The following ZCWPW2 variants were observed in gnomAD, a reference collection of about 807,000 sequenced individuals.
ZCWPW2 encodes zinc finger CW-type PWWP domain protein 2.
A neutral mutation model predicts 46.6 loss-of-function variants in ZCWPW2; 45 were observed. That is an observed-to-expected ratio of 0.96 (90% CI 0.76 to 1.24). ZCWPW2 has a LOEUF of 1.24. Among genes scored for constraint, ZCWPW2 ranks in the 50% most tolerant of loss-of-function variants. ZCWPW2 has a pLI of 0.00. For missense variants in ZCWPW2, 429 were observed against 403.9 expected, an observed-to-expected ratio of 1.06 and a Z score of -0.53; for synonymous variants, 152 against 137.1, an observed-to-expected ratio of 1.11 and a Z score of -0.76.
chr3:28,451,331 C>T (rs1379905964), intron 4 of ZCWPW2, among the ~76,000 whole-genome samples: 2 of 152,192 alleles, frequency 1.3e-5, no homozygotes, highest in Non-Finnish European at 2.9e-5. Context: ...GCCTACATGT[C>T]TTCTCCAATG....
chr3:28,521,560 A>T (rs761073777), intron 9 of ZCWPW2, among the ~76,000 whole-genome samples: 1 of 152,194 alleles, frequency 6.6e-6, no homozygotes, highest in African/African-American at 2.4e-5. Context: ...CGGGAAGTAG[A>T]ATTTTTCACT....
At chr3:28,388,191 T>A (rs1349505468) in intron 1 of ZCWPW2, among the ~76,000 whole-genome samples, 1 of 152,186 alleles carries the variant, frequency 6.6e-6, no homozygotes, top group African/African-American at 2.4e-5. Context: ...ACAACCTGCT[T>A]GACTCAGAGT....
chr3:28,447,875 G>A, intron 4 of ZCWPW2: 1 of 1,017,294 alleles, frequency 9.8e-7, no homozygotes, highest in Non-Finnish European at 1.5e-6. Flanking sequence ...GTGTGCCCAG[G>A]CAGACTTAGA....
intron 5 of ZCWPW2, among the ~76,000 whole-genome samples, chr3:28,484,118 G>C (rs537549214): frequency 4.0e-5 from 6 of 151,174 alleles, no homozygotes; most frequent in Non-Finnish European, 8.8e-5. Context: ...TAGATATTTT[G>C]TAAATGCTCT....
chr3:28,409,239 C>A (rs552915884), intron 2 of ZCWPW2, among the ~76,000 whole-genome samples: 1 of 151,140 alleles, frequency 6.6e-6, no homozygotes, highest in Non-Finnish European at 1.5e-5. Context: ...CCTGCCTCAG[C>A]CTTGCAAGTA....
chr3:28,475,606 A>T (rs1699210998), intron 4 of ZCWPW2, among the ~76,000 whole-genome samples: 1 of 152,100 alleles, frequency 6.6e-6, no homozygotes, highest in Admixed American at 6.6e-5. Flanking sequence ...GGCCCTTGTT[A>T]ATTTTCTGAA....
chr3:28,495,221 T>A (rs1699947303), intron 6 of ZCWPW2, among the ~76,000 whole-genome samples: 1 of 152,106 alleles, frequency 6.6e-6, no homozygotes, highest in Non-Finnish European at 1.5e-5. Context: ...AATCTTGGCT[T>A]TTCACTGGCT....
At chr3:28,466,986 A>G (rs996746159) in intron 4 of ZCWPW2, among the ~76,000 whole-genome samples, 4 of 152,156 alleles carry the variant, frequency 2.6e-5, no homozygotes, top group Non-Finnish European at 4.4e-5. Flanking sequence ...AGGTTGAACA[A>G]AAGAGAGAGT....
chr3:28,461,198 A>ATT (rs1286356899), intron 4 of ZCWPW2: 2 of 157,432 alleles, frequency 1.3e-5, no homozygotes, highest in African/African-American at 2.4e-5. Flanking sequence ...TAATATTGAT[A>ATT]TTTGAATTGA....
At chr3:28,417,081 G>T (rs563857766) in intron 3 of ZCWPW2, among the ~76,000 whole-genome samples, 332 of 147,940 alleles carry the variant, frequency 2.2e-3, no homozygotes, top group African/African-American at 7.8e-3. Context: ...TTTTGAAAAG[G>T]TCAACAAAAT....
At position 28,413,045 on chromosome 3, in the gene ZCWPW2, T is replaced by G. The variant is rs897095120; in HGVS notation, c.-13-11T>G. On this transcript the variant is annotated splice_polypyrimidine_tract_variant and intron_variant, in intron 2 of 9. Coordinates refer to ENST00000383768, the MANE Select transcript of ZCWPW2 (RefSeq NM_001040432.4). ...CCTCATTCTGTTATTTTCCTCTTTC[T>G]TATTTTCCAGATTAAATGCCTTAAT... 1 of 1,577,650 alleles carries G rather than the reference T, an allele frequency of 6.3e-7. No individual in the cohort carries two copies. The highest frequency in any genetic ancestry group is 1.7e-5 in the Admixed American group (1 of 57,278).
chr3:28,483,881 G>C (rs1366453321), intron 5 of ZCWPW2, among the ~76,000 whole-genome samples: 4 of 151,894 alleles, frequency 2.6e-5, no homozygotes, highest in African/African-American at 9.7e-5. Context: ...GGTTTTTTTG[G>C]TCTATTCTTT....
At chr3:28,360,066 T>C (rs1366568153) in intron 1 of ZCWPW2, among the ~76,000 whole-genome samples, 2 of 152,006 alleles carry the variant, frequency 1.3e-5, no homozygotes, top group South Asian at 4.1e-4. Flanking sequence ...AGAAAAATCA[T>C]TGTGTACTGA....
intron 4 of ZCWPW2, among the ~76,000 whole-genome samples, chr3:28,462,135 A>G (rs1484739743): frequency 1.3e-5 from 2 of 152,170 alleles, no homozygotes; most frequent in East Asian, 3.9e-4. Flanking sequence ...GGCAGGGCAG[A>G]CTGGGAACAC....
intron 1 of ZCWPW2, among the ~76,000 whole-genome samples, chr3:28,382,072 G>A (rs1034208522): frequency 2.0e-5 from 3 of 147,738 alleles, no homozygotes; most frequent in Non-Finnish European, 4.4e-5. Flanking sequence ...TGAGGCGGGA[G>A]AATCGCTTGA....
rs1326565361 is a variant in ZCWPW2, at chr3:28,447,798, C to A, written c.492+12529C>A. 5 of 822,776 alleles carry A rather than the reference C, an allele frequency of 6.1e-6. No homozygotes were observed. The African/African-American group carries it at 8.4e-5, about 14-fold the overall frequency. The allele number at this position is 822,776 out of a possible 1,614,324, so 51.0% of individuals were successfully genotyped here. A position where few individuals can be genotyped will look rare whatever the true frequency, so the allele number is the denominator to read the frequency against. ...ACTAATAAAACTAGGCTTTCCTGAA[C>A]CCCTGGCAATAGAATTGTTTACCTT... is the stretch of plus-strand genomic sequence containing the variant. On this transcript the variant is annotated intron_variant, in intron 4 of 9. Coordinates refer to ENST00000383768, the MANE Select transcript of ZCWPW2 (RefSeq NM_001040432.4).
chr3:28,449,618 A>T (rs779130785), intron 4 of ZCWPW2, among the ~76,000 whole-genome samples: 2 of 152,210 alleles, frequency 1.3e-5, no homozygotes, highest in African/African-American at 4.8e-5. Context: ...ATTGCACAAC[A>T]TTATAAATGT....
chr3:28,428,470 C>A (rs1352193542), intron 3 of ZCWPW2: 1 of 152,198 alleles, frequency 6.6e-6, no homozygotes, highest in Non-Finnish European at 1.5e-5. Context: ...TCTCTGTTGA[C>A]CGTGCACCCA....
At chr3:28,356,128 C>T (rs189096886) in intron 1 of ZCWPW2, among the ~76,000 whole-genome samples, 11 of 152,262 alleles carry the variant, frequency 7.2e-5, no homozygotes, top group Non-Finnish European at 1.3e-4. Context: ...TATCCAGAAT[C>T]GACGAAGAAC....
Sources: allele counts gnomAD v4.1 joint callset (sites outside exome capture counted in the v4.1 genomes callset), GRCh38; gene constraint gnomAD v4.1.1; transcripts MANE v1.5; gene names NCBI Gene and HGNC (gene_info 2026-07-23, HGNC 2026-07-21).